The following NTRK3 variants were observed in gnomAD, a reference collection of about 807,000 sequenced individuals.
The protein encoded by NTRK3 is neurotrophic receptor tyrosine kinase 3.
In NTRK3, 24 loss-of-function variants were observed where a neutral mutation model predicts 91.7. The observed-to-expected ratio is 0.26, with a 90% CI of 0.19 to 0.37. The LOEUF (loss-of-function observed/expected upper bound fraction) is 0.37. Ranked by LOEUF, NTRK3 falls within the 10% of genes least tolerant of loss-of-function variation. The pLI, the probability that NTRK3 is intolerant of heterozygous loss-of-function variation, is 1.00. For synonymous variants in NTRK3, 483 were observed against 404.0 expected, an observed-to-expected ratio of 1.20 and a Z score of -2.34; for missense variants, 880 against 1,068.9, an observed-to-expected ratio of 0.82 and a Z score of 2.46.
At chr15:88,142,585 G>A (rs1183316706) in intron 6 of NTRK3, among the ~76,000 whole-genome samples, 2 of 152,222 alleles carry the variant, frequency 1.3e-5, no homozygotes, top group African/African-American at 4.8e-5. Flanking sequence ...GGAAAATGAG[G>A]AGGGGACCCA....
intron 5 of NTRK3, among the ~76,000 whole-genome samples, chr15:88,152,978 G>A (rs1328587206): frequency 6.6e-6 from 1 of 152,178 alleles, no homozygotes; most frequent in Non-Finnish European, 1.5e-5. Context: ...GACTCTTCCT[G>A]GAGGATTCAT....
chr15:87,942,162 G>T (rs144904660), intron 14 of NTRK3, among the ~76,000 whole-genome samples: 8 of 152,176 alleles, frequency 5.3e-5, no homozygotes, highest in African/African-American at 1.7e-4. Flanking sequence ...CCACAGTGTC[G>T]CAGATGATCT....
intron 3 of NTRK3, among the ~76,000 whole-genome samples, chr15:88,223,799 G>A (rs538857201): frequency 6.6e-6 from 1 of 152,322 alleles, no homozygotes; most frequent in East Asian, 1.9e-4. Flanking sequence ...TATTCACAAG[G>A]TAGTAGCAGA....
intron 13 of NTRK3, among the ~76,000 whole-genome samples, chr15:88,095,771 A>G (rs1471282578): frequency 2.0e-5 from 3 of 152,216 alleles, no homozygotes; most frequent in Admixed American, 6.5e-5. Context: ...GGATACTCCA[A>G]TTGAAATGAT....
At chr15:88,136,735 A>C (rs2041913656) in intron 7 of NTRK3, 126 bp from the exon 8 acceptor site, 1 of 1,165,934 alleles carries the variant, frequency 8.6e-7, no homozygotes, top group African/African-American at 1.5e-5. Flanking sequence ...CACCTGCTTG[A>C]GTTCTTGGAA....
At chr15:88,253,964 G>A (rs544650973) in intron 3 of NTRK3, among the ~76,000 whole-genome samples, 1 of 152,262 alleles carries the variant, frequency 6.6e-6, no homozygotes, top group East Asian at 1.9e-4. Flanking sequence ...ACCTCTGTGT[G>A]GCTATAAAGA....
intron 13 of NTRK3, among the ~76,000 whole-genome samples, chr15:88,078,896 G>C (rs2047795242): frequency 6.6e-6 from 1 of 152,242 alleles, no homozygotes; most frequent in Admixed American, 6.5e-5. Flanking sequence ...AGTGGCAGGG[G>C]CTTAGGTCAG....
Position 87,900,056 on chromosome 15 carries a change from T to C in NTRK3, c.2134-19628A>G, listed in dbSNP as rs944735717. The stretch of plus-strand genomic sequence containing the variant: ...TGAGAGGAGAGAGCTCATAGATCAC[T>C]TGCAGGACCACAGACATGAAACAGT... On this transcript the variant is annotated intron_variant, in intron 17 of 18. Coordinates refer to ENST00000394480, the Ensembl canonical transcript of NTRK3. Among the ~76,000 whole-genome samples, 3 of 152,310 alleles carry C rather than the reference T, an allele frequency of 2.0e-5. No homozygotes were observed. The East Asian group carries it at 5.8e-4, about 29-fold the overall frequency.
chr15:87,946,773 C>A (rs769787686), intron 14 of NTRK3, among the ~76,000 whole-genome samples: 10 of 151,972 alleles, frequency 6.6e-5, no homozygotes, highest in Admixed American at 3.9e-4. Flanking sequence ...CCTCTGTGCC[C>A]TTATTAATAA....
At position 88,093,055 on chromosome 15, in the gene NTRK3, GGTTTTTTTT is replaced by G. The variant is rs1441159751; in HGVS notation, c.1396+33207_1396+33215del. ...CTGGTTTTTTTTTTTTTGGCTTTGG[GGTTTTTTTT>G]GTTTTTTTTGTTTTTTTTTTTTTGT... On this transcript the variant is annotated intron_variant, in intron 13 of 18. Transcript: ENST00000394480. 1.5e-4 allele frequency among the ~76,000 whole-genome samples: 22 copies of G among 150,822 alleles called. No individual in the cohort carries two copies. In the East Asian group the frequency reaches 3.5e-3, roughly 24 times the overall value.
At chr15:87,870,420 T>C (rs2064797490) in exon 19 of NTRK3, 1 of 204,328 alleles carries the variant, frequency 4.9e-6, no homozygotes. Flanking sequence ...CAATGGACTC[T>C]GCGGACTCAG....
chr15:87,917,479 G>A (rs1382839674), intron 17 of NTRK3, among the ~76,000 whole-genome samples: 1 of 152,186 alleles, frequency 6.6e-6, no homozygotes, highest in Non-Finnish European at 1.5e-5. Context: ...TTTGGCATCT[G>A]CTCCGTTGTT....
chr15:88,210,861 C>T (rs1220213092), intron 3 of NTRK3, among the ~76,000 whole-genome samples: 1 of 152,100 alleles, frequency 6.6e-6, no homozygotes, highest in Non-Finnish European at 1.5e-5. Context: ...TGGAAGGCAG[C>T]TTTGGGAGAG....
intron 14 of NTRK3, among the ~76,000 whole-genome samples, chr15:87,952,253 G>A (rs761713354): frequency 6.9e-6 from 1 of 144,944 alleles, no homozygotes; most frequent in African/African-American, 2.8e-5. Context: ...AAGAAAGAAA[G>A]AGAAAGAAAA....
At chr15:88,003,904 G>A (rs116561861) in intron 14 of NTRK3, among the ~76,000 whole-genome samples, 1 of 148,978 alleles carries the variant, frequency 6.7e-6, no homozygotes, top group African/African-American at 2.5e-5. Context: ...TAATTGAGAT[G>A]TATTCTCATG....
chr15:88,134,963 C>T, intron 10 of NTRK3, 138 bp downstream of exon 10: 1 of 1,049,096 alleles, frequency 9.5e-7, no homozygotes, highest in Non-Finnish European at 1.5e-6. Flanking sequence ...GGTGGTTGCA[C>T]ATGTTCCAGT....
intron 17 of NTRK3, among the ~76,000 whole-genome samples, chr15:87,881,980 C>A (rs1374031681): frequency 6.6e-6 from 1 of 152,204 alleles, no homozygotes; most frequent in Admixed American, 6.5e-5. Flanking sequence ...ACTGCAACCT[C>A]CGCTTCCTGG....
At chr15:88,007,072 C>T (rs1219452460) in intron 14 of NTRK3, among the ~76,000 whole-genome samples, 2 of 152,046 alleles carry the variant, frequency 1.3e-5, no homozygotes, top group Non-Finnish European at 2.9e-5. Context: ...AAAAACCTAG[C>T]GTGAGGAGAG....
At chr15:88,136,553 C>T in exon 8 of NTRK3, 1 of 1,613,972 alleles carries the variant, frequency 6.2e-7, no homozygotes, top group South Asian at 1.1e-5. Context: ...GTGATAACAG[C>T]GTTGTCACCC....
Sources: allele counts gnomAD v4.1 joint callset (sites outside exome capture counted in the v4.1 genomes callset), GRCh38; gene constraint gnomAD v4.1.1; transcripts MANE v1.5; gene names NCBI Gene and HGNC (gene_info 2026-07-23, HGNC 2026-07-21).